Variants in MTAP observed in about 807,000 individuals in gnomAD.
MTAP encodes the protein S-methyl-5'-thioadenosine phosphorylase.
MTAP carries 33 observed loss-of-function variants against 33.6 expected under a neutral mutation model. The observed-to-expected ratio is 0.98, with a 90% CI of 0.74 to 1.31. The LOEUF (loss-of-function observed/expected upper bound fraction) is 1.31, where lower values mean the gene tolerates loss of function less well. Ranked by LOEUF, MTAP falls within the 40% of genes most tolerant of loss-of-function variation. MTAP has a pLI of 0.00. For synonymous variants in MTAP, 148 were observed against 125.7 expected (o/e 1.18, Z -1.19); for missense variants, 367 against 360.0 (o/e 1.02, Z -0.16).
chr9:21,923,500 G>A (rs1818820576), intron 1 of MTAP, among the ~76,000 whole-genome samples: 1 of 152,136 alleles, frequency 6.6e-6, no homozygotes, highest in African/African-American at 2.4e-5. Flanking sequence ...TTGCTGTTTT[G>A]AATCCCAGGG....
intron 1 of MTAP, among the ~76,000 whole-genome samples, chr9:21,913,037 A>T (rs1195097792): frequency 6.6e-6 from 1 of 152,216 alleles, no homozygotes; most frequent in Non-Finnish European, 1.5e-5. Context: ...CAATTGCTTC[A>T]AAGAGAATAA....
At chr9:21,889,301 C>A (rs943124350) in intron 1 of MTAP, among the ~76,000 whole-genome samples, 13 of 151,900 alleles carry the variant, frequency 8.6e-5, no homozygotes, top group Non-Finnish European at 1.5e-4. Flanking sequence ...CTATTTTATT[C>A]TTTTAACTTC....
At chr9:21,896,254 T>G (rs867545307) in intron 1 of MTAP, among the ~76,000 whole-genome samples, 18 of 152,042 alleles carry the variant, frequency 1.2e-4, no homozygotes, top group Non-Finnish European at 1.9e-4. Context: ...TGGTACACAT[T>G]TAAAGCAATA....
intron 1 of MTAP, among the ~76,000 whole-genome samples, chr9:21,883,234 C>T (rs1182563021): frequency 6.6e-6 from 1 of 151,806 alleles, no homozygotes; most frequent in Non-Finnish European, 1.5e-5. Flanking sequence ...TTAAATAGTT[C>T]AACAAAAGAG....
At chr9:21,804,479 A>T (rs1006561859) in intron 1 of MTAP, among the ~76,000 whole-genome samples, 1 of 152,172 alleles carries the variant, frequency 6.6e-6, no homozygotes, top group African/African-American at 2.4e-5. Context: ...AATAGTGTGT[A>T]TTTTTGGTCT....
chr9:21,913,668 A>G (rs28826085), intron 1 of MTAP, among the ~76,000 whole-genome samples: 3,405 of 152,332 alleles, frequency 0.022, 135 homozygotes, highest in African/African-American at 0.075. Flanking sequence ...CTAAAACCAT[A>G]GAAACCCTAG....
chr9:21,840,529 A>G (rs1165404852), intron 5 of MTAP, among the ~76,000 whole-genome samples: 1 of 152,170 alleles, frequency 6.6e-6, no homozygotes, highest in Non-Finnish European at 1.5e-5. Flanking sequence ...TAGAGGTGAA[A>G]CGGATTTAGG....
At chr9:21,887,874 G>T (rs186366745) in intron 1 of MTAP, among the ~76,000 whole-genome samples, 1 of 151,732 alleles carries the variant, frequency 6.6e-6, no homozygotes, top group South Asian at 2.1e-4. Flanking sequence ...TAAGTTTTGT[G>T]TGGGGGGGTT....
chr9:21,884,830 A>G (rs925118812), intron 1 of MTAP, among the ~76,000 whole-genome samples: 5 of 152,204 alleles, frequency 3.3e-5, no homozygotes, highest in African/African-American at 4.8e-5. Context: ...CATGTAGTCT[A>G]TAAAATTGCA....
At chr9:21,867,196 G>C (rs1373538215), downstream of MTAP, 1 of 152,050 alleles carries the variant, frequency 6.6e-6, no homozygotes, top group East Asian at 1.9e-4. Context: ...TGTCGTAATG[G>C]CTAGGACCTT....
chr9:21,914,224 G>T (rs1433642187), intron 1 of MTAP, among the ~76,000 whole-genome samples: 1 of 152,260 alleles, frequency 6.6e-6, no homozygotes, highest in Non-Finnish European at 1.5e-5. Context: ...ACAGTGTGGC[G>T]ATTCCTCAAG....
At chr9:21,825,963 C>A (rs1000302306) in intron 4 of MTAP, among the ~76,000 whole-genome samples, 1 of 151,992 alleles carries the variant, frequency 6.6e-6, no homozygotes, top group Non-Finnish European at 1.5e-5. Flanking sequence ...CTATTCAAGT[C>A]CTTTGCCTAT....
chr9:21,938,930 A>G (rs1819088060), downstream of MTAP, among the ~76,000 whole-genome samples: 1 of 152,244 alleles, frequency 6.6e-6, no homozygotes, highest in Non-Finnish European at 1.5e-5. Flanking sequence ...ATCAAGTAGA[A>G]GAAAAATTAA....
At chr9:21,920,613 A>G (rs916326650) in intron 1 of MTAP, among the ~76,000 whole-genome samples, 1 of 152,156 alleles carries the variant, frequency 6.6e-6, no homozygotes, top group African/African-American at 2.4e-5. Context: ...TTGGGAAACA[A>G]TTCTCTATGG....
intron 1 of MTAP, among the ~76,000 whole-genome samples, chr9:21,899,299 G>T (rs936071822): frequency 2.4e-4 from 37 of 151,856 alleles, no homozygotes; most frequent in African/African-American, 8.0e-4. Context: ...AAGTTAACGG[G>T]TGCAGCACAC....
chr9:21,905,612 C>A (rs1239299579), intron 1 of MTAP, among the ~76,000 whole-genome samples: 1 of 150,374 alleles, frequency 6.7e-6, no homozygotes, highest in Non-Finnish European at 1.5e-5. Flanking sequence ...GTGTTAAGTG[C>A]ATAGGTGAGA....
Position 21,859,207 on chromosome 9 carries a change from A to G in MTAP, c.691-96A>G, listed in dbSNP as rs1232248692. 14 of 1,510,938 alleles carry G rather than the reference A, an allele frequency of 9.3e-6. No individual in the cohort carries two copies. The East Asian group carries it at 2.3e-4, about 25-fold the overall frequency. The allele number at this position is 1,510,938 out of a possible 1,614,324, so 93.6% of individuals were successfully genotyped here. A position where few individuals can be genotyped will look rare whatever the true frequency, so the allele number is the denominator to read the frequency against. On this transcript the variant is annotated intron_variant, in intron 6 of 7. Transcript: ENST00000644715. ...CAGATAAATTTGAGGGGACACAAAC[A>G]TTTAGGCTGTAGCAAGGCTGGAGCT...
intron 1 of MTAP, among the ~76,000 whole-genome samples, chr9:21,879,321 T>C (rs2118687771): frequency 6.6e-6 from 1 of 152,322 alleles, no homozygotes; most frequent in South Asian, 2.1e-4. Context: ...TCTTTATCTT[T>C]TTCTATCTTT....
chr9:21,811,783 C>G, intron 1 of MTAP: 1 of 526,950 alleles, frequency 1.9e-6, no homozygotes, highest in Non-Finnish European at 3.9e-6. Context: ...AAGCTTTGCA[C>G]CGAAGTATAC....
Sources: gnomAD v4.1 joint callset for allele counts (sites outside exome capture counted in the v4.1 genomes callset) on GRCh38, gnomAD v4.1.1 for gene constraint, MANE v1.5 for transcripts, NCBI Gene and HGNC (gene_info 2026-07-23, HGNC 2026-07-21) for gene names.